Variants in IL22RA1 observed in about 807,000 individuals in gnomAD.
IL22RA1 encodes interleukin-22 receptor subunit alpha-1.
Under a neutral mutation model 32.8 loss-of-function variants are expected in IL22RA1, and 25 were observed. The observed-to-expected ratio is 0.76, with a 90% confidence interval of 0.55 to 1.06. IL22RA1 has a LOEUF of 1.06. IL22RA1 is among the 50% of genes least tolerant of loss of function. The pLI is 0.00. For missense variants in IL22RA1, 709 were observed against 727.4 expected (o/e 0.97, Z 0.29); for synonymous variants, 305 against 305.0 (o/e 1.00, Z 0.00).
chr1:24,123,200 C>A (rs747116595), intron 6 of IL22RA1, 102 bp downstream of exon 6: 2 of 1,478,596 alleles, frequency 1.4e-6, no homozygotes, highest in Non-Finnish European at 1.8e-6. Context: ...AGGCCCATCT[C>A]CTGCTTTGTC....
At position 24,143,110 on chromosome 1, in the gene IL22RA1, C is replaced by T; in HGVS notation, c.-28G>A. On this transcript the variant is annotated 5_prime_UTR_variant, in exon 1 of 7. Coordinates refer to ENST00000270800, the MANE Select transcript of IL22RA1 (RefSeq NM_021258.4). ...GGGCTGGCACAGAGCCCTCCCTTGG[C>T]CTCTACTCTGCCGTGCACAGAGAGA... 6.2e-7 allele frequency: 1 copy of T among 1,607,682 alleles called. No individual in the cohort carries two copies. Among genetic ancestry groups the T allele is most frequent in the African/African-American group, 1.3e-5 (1 of 74,912 alleles).
At chr1:24,126,999 C>T (rs1437284169) in intron 5 of IL22RA1, among the ~76,000 whole-genome samples, 1 of 146,616 alleles carries the variant, frequency 6.8e-6, no homozygotes, top group East Asian at 2.0e-4. Flanking sequence ...GATGAAACTC[C>T]GTCTCTACTA....
chr1:24,126,086 C>T (rs1350728835), intron 5 of IL22RA1, among the ~76,000 whole-genome samples: 1 of 152,188 alleles, frequency 6.6e-6, no homozygotes, highest in Non-Finnish European at 1.5e-5. Flanking sequence ...GGGCCAGGAG[C>T]AGCTGAGATT....
chr1:24,124,901 A>G (rs1455873235), intron 5 of IL22RA1, among the ~76,000 whole-genome samples: 1 of 152,188 alleles, frequency 6.6e-6, no homozygotes, highest in East Asian at 1.9e-4. Flanking sequence ...GAATAGGGAC[A>G]TGGAATGGTC....
In IL22RA1 at chr1:24,120,874, G is replaced by A; in HGVS notation, c.1656C>T (p.Asp552=). The change falls in exon 7 of 7, where the codon GAC becomes GAT. Residue 552 remains aspartate (D), a synonymous_variant. Transcript: ENST00000270800. ...EAKSPAPETS[D]LEQPTELDSL... Reference sequence around the variant, plus strand: ...AATCCAGTTCTGTGGGCTGCTCCAGGTCTGAGGTCTCAGGGGCTGGGCTCT... The same window carrying A: ...AATCCAGTTCTGTGGGCTGCTCCAGATCTGAGGTCTCAGGGGCTGGGCTCT... 1 of 1,614,220 alleles carries A rather than the reference G, an allele frequency of 6.2e-7. No homozygotes were observed. Among genetic ancestry groups the A allele is most frequent in the Non-Finnish European group, 8.5e-7 (1 of 1,180,038 alleles).
At chr1:24,137,010 C>G in intron 3 of IL22RA1, 121 bp downstream of exon 3, 2 of 897,960 alleles carry the variant, frequency 2.2e-6, no homozygotes, top group South Asian at 3.6e-5. Flanking sequence ...GCTGCCCCTC[C>G]CCTTGCAGAG....
chr1:24,123,259 C>T (rs371869896), intron 6 of IL22RA1, 43 bp downstream of exon 6: 26 of 1,590,258 alleles, frequency 1.6e-5, no homozygotes, highest in Non-Finnish European at 2.1e-5. Context: ...GAGCCCAGGC[C>T]CTCCCCTGGA....
intron 4 of IL22RA1, among the ~76,000 whole-genome samples, chr1:24,131,767 C>G (rs954946860): frequency 6.6e-6 from 1 of 152,088 alleles, no homozygotes; most frequent in Non-Finnish European, 1.5e-5. Flanking sequence ...TCACCTTTAC[C>G]TAATTGATAT....
At chr1:24,134,166 G>A (rs1455275707) in intron 4 of IL22RA1, 45 bp downstream of exon 4, 4 of 1,530,630 alleles carry the variant, frequency 2.6e-6, no homozygotes, top group South Asian at 1.2e-5. Context: ...TGGGAGGGAA[G>A]AGGCTTCCTA....
At chr1:24,140,615 A>G (rs896971330) in intron 1 of IL22RA1, among the ~76,000 whole-genome samples, 6 of 152,158 alleles carry the variant, frequency 3.9e-5, no homozygotes, top group Non-Finnish European at 7.4e-5. Flanking sequence ...GCCTCAAGGA[A>G]GGGGCTGGGG....
In IL22RA1 at chr1:24,129,259, T is replaced by C. The variant is rs576549848; in HGVS notation, c.532-980A>G. On this transcript the variant is annotated intron_variant, in intron 4 of 6. Transcript: ENST00000270800. ...CCATTTCCTTCTCTCTCACATACTC[T>C]CCAGCCACTTAGTGATCTTATCTGA... Among the ~76,000 whole-genome samples, 26 of 152,306 alleles carry C rather than the reference T, an allele frequency of 1.7e-4. No individual in the cohort carries two copies. The South Asian group carries it at 5.4e-3, about 32-fold the overall frequency.
intron 3 of IL22RA1, among the ~76,000 whole-genome samples, chr1:24,135,646 CTCAGGAAACTTACAA>C (rs1644236585): frequency 6.6e-6 from 1 of 152,020 alleles, no homozygotes; most frequent in South Asian, 2.1e-4. Context: ...CTGGGGAGGC[CTCAGGAAACTTACAA>C]TCAGGAAACT....
intron 6 of IL22RA1, among the ~76,000 whole-genome samples, chr1:24,122,772 TG>T (rs1046548731): frequency 7.5e-4 from 114 of 151,668 alleles, no homozygotes; most frequent in African/African-American, 2.6e-3. Context: ...CACTCCAGCC[TG>T]GGTGACAGAG....
At chr1:24,126,819 T>C (rs1400686769) in intron 5 of IL22RA1, among the ~76,000 whole-genome samples, 1 of 152,142 alleles carries the variant, frequency 6.6e-6, no homozygotes, top group Non-Finnish European at 1.5e-5. Flanking sequence ...ATGCTTGTGA[T>C]GAGAATCAAG....
At chr1:24,142,177 C>G (rs1644286113) in intron 1 of IL22RA1, among the ~76,000 whole-genome samples, 1 of 152,122 alleles carries the variant, frequency 6.6e-6, no homozygotes, top group South Asian at 2.1e-4. Context: ...GCTGGAAGCC[C>G]TGGAGACGCA....
intron 1 of IL22RA1, among the ~76,000 whole-genome samples, chr1:24,139,970 G>A (rs1644269396): frequency 6.6e-6 from 1 of 152,232 alleles, no homozygotes; most frequent in African/African-American, 2.4e-5. Flanking sequence ...GCTCTTGACT[G>A]AGCCCACACG....
At chr1:24,135,853 C>A (rs922830236) in intron 3 of IL22RA1, among the ~76,000 whole-genome samples, 7 of 152,202 alleles carry the variant, frequency 4.6e-5, no homozygotes, top group African/African-American at 1.7e-4. Context: ...GTCCTTCCCA[C>A]AAGACAGGAT....
At chr1:24,122,823 A>T (rs1644134507) in intron 6 of IL22RA1, among the ~76,000 whole-genome samples, 1 of 152,162 alleles carries the variant, frequency 6.6e-6, no homozygotes, top group Non-Finnish European at 1.5e-5. Flanking sequence ...TGTTTAAAAA[A>T]TTAGTTCTGA....
intron 5 of IL22RA1, among the ~76,000 whole-genome samples, chr1:24,123,792 G>GCCCAGCCCAT (rs1644143306): frequency 6.6e-6 from 1 of 151,974 alleles, no homozygotes; most frequent in Admixed American, 6.5e-5. Context: ...CCCCAGCCCA[G>GCCCAGCCCAT]CCCAGCCCAG....
Sources: gnomAD v4.1 joint callset for allele counts (sites outside exome capture counted in the v4.1 genomes callset) on GRCh38, gnomAD v4.1.1 for gene constraint, MANE v1.5 for transcripts, NCBI Gene and HGNC (gene_info 2026-07-23, HGNC 2026-07-21) for gene names.